BCKDHB: variants seen among roughly 807,000 people sequenced by gnomAD.
BCKDHB encodes 2-oxoisovalerate dehydrogenase subunit beta, mitochondrial.
BCKDHB carries 41 observed loss-of-function variants against 48.5 expected under a neutral mutation model. The ratio of observed to expected loss-of-function variants is 0.85; its 90% CI spans 0.66 to 1.10. The LOEUF is 1.10. Ranked by LOEUF, BCKDHB falls within the 50% of genes least tolerant of loss-of-function variation. The pLI is 0.00. For missense variants in BCKDHB, 496 were observed against 494.2 expected, an observed-to-expected ratio of 1.00 and a Z score of -0.03; for synonymous variants, 201 against 174.8, an observed-to-expected ratio of 1.15 and a Z score of -1.18.
intron 8 of BCKDHB, among the ~76,000 whole-genome samples, chr6:80,253,470 A>G (rs1776914640): frequency 6.6e-6 from 1 of 152,134 alleles, no homozygotes; most frequent in South Asian, 2.1e-4. Context: ...AGTTTTATTT[A>G]TAATTCTTGG....
At chr6:80,431,926 G>C in the BCKDHB span, among the ~76,000 whole-genome samples, 1 of 152,214 alleles carries the variant, frequency 6.6e-6, no homozygotes, top group Non-Finnish European at 1.5e-5. Context: ...TGTCTGTAAA[G>C]GATTTTATTT....
At chr6:80,253,089 T>C (rs1447056584) in intron 8 of BCKDHB, among the ~76,000 whole-genome samples, 8 of 152,150 alleles carry the variant, frequency 5.3e-5, no homozygotes, top group Admixed American at 5.2e-4. Flanking sequence ...TATCTTGTAG[T>C]TTTTAGTTTG....
chr6:80,397,097 A>T, the BCKDHB span, among the ~76,000 whole-genome samples: 5 of 152,150 alleles, frequency 3.3e-5, no homozygotes, highest in Admixed American at 3.3e-4. Flanking sequence ...TGATTTAGCT[A>T]ATTTAAATAT....
chr6:80,305,755 A>G lies in BCKDHB; in HGVS notation c.1038+32534A>G, dbSNP rs572113464. On this transcript the variant is annotated intron_variant, in intron 9 of 9. Coordinates refer to ENST00000320393, the MANE Select transcript of BCKDHB (RefSeq NM_183050.4). ...GACCCCAAAACACACAGCACTGATG[A>G]CACCTGTTCTGCCTCTCACCTACCA... 3.9e-5 allele frequency among the ~76,000 whole-genome samples: 6 copies of G among 152,272 alleles called. No individual in the cohort carries two copies. In the East Asian group the frequency reaches 1.2e-3, roughly 29 times the overall value.
intron 3 of BCKDHB, among the ~76,000 whole-genome samples, chr6:80,132,667 G>A (rs951539750): frequency 2.6e-5 from 4 of 152,130 alleles, no homozygotes; most frequent in African/African-American, 9.7e-5. Flanking sequence ...TAGCTTTATT[G>A]TCAGCAGCTG....
chr6:80,161,731 A>C (rs1378306523), intron 3 of BCKDHB, among the ~76,000 whole-genome samples: 1 of 152,082 alleles, frequency 6.6e-6, no homozygotes, highest in Non-Finnish European at 1.5e-5. Flanking sequence ...CCTCCATCCT[A>C]CATCAGCTTT....
At chr6:80,121,944 A>G (rs1435200521) in intron 1 of BCKDHB, among the ~76,000 whole-genome samples, 2 of 152,182 alleles carry the variant, frequency 1.3e-5, no homozygotes, top group Non-Finnish European at 2.9e-5. Context: ...TTCAAAGGGA[A>G]TGCTTCCAGT....
rs571961065 is a variant in BCKDHB at position 80,165,009 on chromosome 6, A to G, written c.344-2669A>G. 1.5e-4 allele frequency among the ~76,000 whole-genome samples: 23 copies of G among 152,304 alleles called. 1 individual carries two copies. In the South Asian group the frequency reaches 3.5e-3, roughly 23 times the overall value. On this transcript the variant is annotated intron_variant, in intron 3 of 9. Coordinates refer to ENST00000320393, the MANE Select transcript of BCKDHB (RefSeq NM_183050.4). ...ACTTGTCAGAGAGACTTGTTAAACT[A>G]TTTCCTCAAATCAAACATGTTTTGG...
the BCKDHB span, among the ~76,000 whole-genome samples, chr6:80,418,006 A>G: frequency 6.6e-6 from 1 of 152,032 alleles, no homozygotes; most frequent in Admixed American, 6.5e-5. Flanking sequence ...ATAATCCCAT[A>G]TATCTTGGAG....
At chr6:80,439,877 T>C in the BCKDHB span, among the ~76,000 whole-genome samples, 33 of 152,140 alleles carry the variant, frequency 2.2e-4, no homozygotes, top group Admixed American at 2.1e-3. Flanking sequence ...AATGAACACA[T>C]TTAACTAAAG....
chr6:80,141,650 A>G (rs188648904), intron 3 of BCKDHB, among the ~76,000 whole-genome samples: 17 of 152,260 alleles, frequency 1.1e-4, no homozygotes, highest in Admixed American at 1.1e-3. Flanking sequence ...ATAGGCTTGG[A>G]TTAAAGTGAA....
the BCKDHB span, among the ~76,000 whole-genome samples, chr6:80,419,260 C>T: frequency 0.025 from 3,798 of 152,242 alleles, 152 homozygotes; most frequent in African/African-American, 0.087. Flanking sequence ...AATGTGTGGG[C>T]TGTTGCGTGG....
rs538371521 is a variant in BCKDHB, at chr6:80,220,667, A to G, written c.951+17455A>G. Reference sequence around the variant, plus strand: ...ATTCTTGGACATCAGTGCTCATAGGATAAGCCTGTCTTTGTAGGCAATTTG... The same window carrying G: ...ATTCTTGGACATCAGTGCTCATAGGGTAAGCCTGTCTTTGTAGGCAATTTG... On this transcript the variant is annotated intron_variant, in intron 8 of 9. Transcript: ENST00000320393. Among the ~76,000 whole-genome samples the G allele has an allele frequency of 1.0e-3, 154 of 151,288 alleles. 2 individuals are homozygous for G. In the South Asian group the frequency reaches 0.03, roughly 29 times the overall value.
intron 4 of BCKDHB, among the ~76,000 whole-genome samples, 159 bp from the exon 5 acceptor site, chr6:80,168,712 CAGGA>C (rs1397243534): frequency 3.8e-5 from 4 of 106,282 alleles, no homozygotes; most frequent in East Asian, 3.0e-4. Flanking sequence ...GGCAGGCAGG[CAGGA>C]AGGAAGGAAG....
chr6:80,237,800 A>G (rs1022199124), intron 8 of BCKDHB, among the ~76,000 whole-genome samples: 48 of 152,204 alleles, frequency 3.2e-4, no homozygotes, highest in African/African-American at 1.0e-3. Context: ...TAACATGACA[A>G]GGTTCTCAGA....
At chr6:80,215,739 T>C (rs778554738) in intron 8 of BCKDHB, among the ~76,000 whole-genome samples, 2 of 152,144 alleles carry the variant, frequency 1.3e-5, no homozygotes, top group Admixed American at 6.5e-5. Context: ...CCTAATGTTA[T>C]ATATATATAC....
chr6:80,394,600 G>C, the BCKDHB span, among the ~76,000 whole-genome samples: 1 of 152,150 alleles, frequency 6.6e-6, no homozygotes, highest in East Asian at 1.9e-4. Context: ...TGGGAACTCT[G>C]TGTGTGGTGT....
chr6:80,231,777 C>T (rs1055901571), intron 8 of BCKDHB, among the ~76,000 whole-genome samples: 3 of 152,124 alleles, frequency 2.0e-5, no homozygotes, highest in African/African-American at 7.2e-5. Flanking sequence ...CCAGCCTGAC[C>T]AACATGGTGA....
At chr6:80,334,272 A>G (rs1246565312) in intron 9 of BCKDHB, among the ~76,000 whole-genome samples, 2 of 152,114 alleles carry the variant, frequency 1.3e-5, no homozygotes, top group East Asian at 3.8e-4. Context: ...GTTTTAATGA[A>G]TAGTTTGAAC....
Sources: allele counts gnomAD v4.1 joint callset (sites outside exome capture counted in the v4.1 genomes callset), GRCh38; gene constraint gnomAD v4.1.1; transcripts MANE v1.5; gene names NCBI Gene and HGNC (gene_info 2026-07-23, HGNC 2026-07-21).